Variants in PACS1 observed in about 807,000 individuals in gnomAD.
PACS1 encodes phosphofurin acidic cluster sorting protein 1, also known as PACS-1.
A neutral mutation model predicts 115.0 loss-of-function variants in PACS1; 24 were observed. The observed-to-expected ratio is 0.21, with a 90% confidence interval of 0.15 to 0.29. The LOEUF is 0.29. Among genes scored for constraint, PACS1 ranks in the 10% least tolerant of loss-of-function variants. The probability of loss-of-function intolerance (pLI) is 1.00; values close to 1 mark genes in which losing one functional copy is unlikely to be tolerated. For synonymous variants in PACS1, 453 were observed against 504.5 expected, an observed-to-expected ratio of 0.90 and a Z score of 1.37; for missense variants, 838 against 1,251.2, an observed-to-expected ratio of 0.67 and a Z score of 4.98.
intron 2 of PACS1, among the ~76,000 whole-genome samples, chr11:66,203,266 A>G (rs1258046985): frequency 6.6e-6 from 1 of 152,210 alleles, no homozygotes; most frequent in Non-Finnish European, 1.5e-5. Context: ...AGAGCTACAA[A>G]TAAGATACCT....
intron 1 of PACS1, among the ~76,000 whole-genome samples, chr11:66,145,351 C>T (rs1473133591): frequency 6.6e-6 from 1 of 152,112 alleles, no homozygotes; most frequent in Non-Finnish European, 1.5e-5. Flanking sequence ...AGGTAATGCG[C>T]TTGATTTGGA....
intron 2 of PACS1, among the ~76,000 whole-genome samples, chr11:66,197,638 A>G (rs1375426845): frequency 6.6e-6 from 1 of 152,138 alleles, no homozygotes. Context: ...TACCAAAAAT[A>G]AAAACTATCT....
chr11:66,082,428 C>G (rs967836067), intron 1 of PACS1, among the ~76,000 whole-genome samples: 1 of 152,104 alleles, frequency 6.6e-6, no homozygotes, highest in South Asian at 2.1e-4. Context: ...TTGCCCTGGC[C>G]TCAAGTGATC....
At chr11:66,109,055 C>T (rs1858124243) in intron 1 of PACS1, among the ~76,000 whole-genome samples, 1 of 152,208 alleles carries the variant, frequency 6.6e-6, no homozygotes, top group Non-Finnish European at 1.5e-5. Context: ...AACAAATAAC[C>T]TTATGCTTCA....
At chr11:66,082,875 G>A (rs1438342933) in intron 1 of PACS1, among the ~76,000 whole-genome samples, 1 of 152,038 alleles carries the variant, frequency 6.6e-6, no homozygotes, top group African/African-American at 2.4e-5. Context: ...AAAATAAAAT[G>A]TCTGAGCATC....
chr11:66,102,643 A>G (rs1376554610), intron 1 of PACS1, among the ~76,000 whole-genome samples: 3 of 151,946 alleles, frequency 2.0e-5, no homozygotes, highest in Non-Finnish European at 4.4e-5. Flanking sequence ...TATTATTATT[A>G]AAAATACTGG....
chr11:66,239,666 CTTGTTATGGGACCTCCCAGGTG>C (rs1454092401), intron 21 of PACS1, among the ~76,000 whole-genome samples: 7 of 152,198 alleles, frequency 4.6e-5, no homozygotes, highest in South Asian at 2.1e-4. Flanking sequence ...GTGCAAGTGT[CTTGTTATGGGACCTCCCAGGTG>C]TTGTTATGGG....
At chr11:66,238,369 C>T (rs1855744860) in intron 19 of PACS1, 1 of 1,014,770 alleles carries the variant, frequency 9.9e-7, no homozygotes, top group African/African-American at 1.7e-5. Flanking sequence ...CCCTTTATCC[C>T]CAGAGAAGAG....
At chr11:66,172,491 G>A (rs1859762291) in intron 1 of PACS1, among the ~76,000 whole-genome samples, 1 of 152,154 alleles carries the variant, frequency 6.6e-6, no homozygotes, top group African/African-American at 2.4e-5. Context: ...ATGTGGAGAG[G>A]AACTGAGGCT....
intron 1 of PACS1, among the ~76,000 whole-genome samples, chr11:66,098,268 G>A (rs1331060919): frequency 2.0e-5 from 3 of 152,104 alleles, no homozygotes; most frequent in Non-Finnish European, 4.4e-5. Context: ...GACGGGTTAA[G>A]TTCTTTATCA....
intron 9 of PACS1, 106 bp from the exon 10 acceptor site, chr11:66,221,048 C>A: frequency 9.1e-7 from 1 of 1,101,876 alleles, no homozygotes; most frequent in East Asian, 2.4e-5. Context: ...GCGTTCTGGA[C>A]ACCTGTAGCT....
In PACS1 at chr11:66,216,710, G is replaced by A; in HGVS notation, c.913G>A (p.Asp305Asn). 1 of 1,613,960 alleles carries A rather than the reference G, an allele frequency of 6.2e-7. No homozygotes were observed. Among genetic ancestry groups the A allele is most frequent in the South Asian group, 1.1e-5 (1 of 91,068 alleles). ...PLHGQDLFYE[D>N]EDLRKVKKTR... ...ACCCACTTAGGACTTGTTCTACGAA[G>A]ACGAAGATCTCCGGAAAGTGAAGAA... is the stretch of plus-strand genomic sequence containing the variant. The change falls in exon 7 of 24, where the codon GAC becomes AAC. Residue 305 changes from aspartate to asparagine, a missense_variant. Asp to Asn is a conservative substitution (Grantham distance 23, BLOSUM62 1). Transcript: ENST00000320580.
chr11:66,143,721 C>A (rs552624656), intron 1 of PACS1, among the ~76,000 whole-genome samples: 1 of 152,066 alleles, frequency 6.6e-6, no homozygotes, highest in African/African-American at 2.4e-5. Context: ...CTCATTGCAA[C>A]CTCTGCCTCC....
chr11:66,225,835 C>G (rs1855460479), intron 10 of PACS1, among the ~76,000 whole-genome samples: 1 of 152,178 alleles, frequency 6.6e-6, no homozygotes, highest in Non-Finnish European at 1.5e-5. Flanking sequence ...TCTCTAGTCT[C>G]AGGTCTAACC....
intron 1 of PACS1, among the ~76,000 whole-genome samples, chr11:66,176,493 A>G (rs1859864998): frequency 6.7e-6 from 1 of 150,016 alleles, no homozygotes; most frequent in African/African-American, 2.5e-5. Flanking sequence ...GGCTCACTGC[A>G]ACGTCTGCCT....
In PACS1 at chr11:66,072,435, G is replaced by T. The variant is rs1169177598; in HGVS notation, c.356+1593G>T. Among the ~76,000 whole-genome samples, 3 of 152,192 alleles carry T rather than the reference G, an allele frequency of 2.0e-5. No homozygotes were observed. The East Asian group carries it at 5.8e-4, about 29-fold the overall frequency. On this transcript the variant is annotated intron_variant, in intron 1 of 23. Transcript: ENST00000320580. ...GTGGGATTGCCGCTCGCAGGGTATA[G>T]ATCTGGGACTTCACTAGGCAAAAGT...
chr11:66,232,199 C>T lies in PACS1; in HGVS notation c.1654C>T (p.Leu552Phe). The T allele has an allele frequency of 6.2e-7, 1 of 1,612,782 alleles. No homozygotes were observed. Among genetic ancestry groups the T allele is most frequent in the South Asian group, 1.1e-5 (1 of 91,068 alleles). ...QIPRKVVYDQ[L>F]NQILVSDAAL... is the part of the protein sequence containing the mutation. ...TCCAAGAAAGGTGGTGTATGACCAG[C>T]TCAATCAGATCCTGGTGTCAGATGC... The change falls in exon 14 of 24, where the codon CTC (leucine) becomes TTC (phenylalanine). Residue 552 changes from leucine to phenylalanine, a missense_variant. Leu to Phe is a conservative substitution (Grantham distance 22, BLOSUM62 0). Coordinates refer to ENST00000320580, the MANE Select transcript of PACS1 (RefSeq NM_018026.4).
chr11:66,182,682 G>A (rs1396723664), intron 1 of PACS1, among the ~76,000 whole-genome samples: 3 of 152,110 alleles, frequency 2.0e-5, no homozygotes, highest in Non-Finnish European at 2.9e-5. Flanking sequence ...GTAGAAACAA[G>A]GCCTCACTTA....
rs534597698 is a variant in PACS1, at chr11:66,243,515, C to A, written c.*235C>A. On this transcript the variant is annotated 3_prime_UTR_variant, in exon 24 of 24. Coordinates refer to ENST00000320580, the MANE Select transcript of PACS1 (RefSeq NM_018026.4). The stretch of plus-strand genomic sequence containing the variant: ...GCTTTTCCCCTTCTCCCTCCTGCTC[C>A]AGGCCCAAGGCGTGTTGGTTTTGCC... 5 of 559,840 alleles carry A rather than the reference C, an allele frequency of 8.9e-6. No homozygotes were observed. The highest frequency in any genetic ancestry group is 1.6e-5 in the Non-Finnish European group (5 of 310,940). The allele number at this position is 559,840 out of a possible 1,614,324, so 34.7% of individuals were successfully genotyped here. A position where few individuals can be genotyped will look rare whatever the true frequency, so the allele number is the denominator to read the frequency against.
Sources: gnomAD v4.1 joint callset for allele counts (sites outside exome capture counted in the v4.1 genomes callset) on GRCh38, gnomAD v4.1.1 for gene constraint, MANE v1.5 for transcripts, NCBI Gene and HGNC (gene_info 2026-07-23, HGNC 2026-07-21) for gene names.